Variants in BRINP3 observed in about 807,000 individuals in gnomAD.
The protein encoded by BRINP3 is BMP/retinoic acid inducible neural specific 3.
In BRINP3, 19 loss-of-function variants were observed where a neutral mutation model predicts 71.0. The ratio of observed to expected loss-of-function variants is 0.27; its 90% confidence interval spans 0.19 to 0.39. The LOEUF (loss-of-function observed/expected upper bound fraction) is 0.39, where lower values mean the gene tolerates loss of function less well. Ranked by LOEUF, BRINP3 falls within the 10% of genes least tolerant of loss-of-function variation. The pLI, the probability that BRINP3 is intolerant of heterozygous loss-of-function variation, is 1.00. For missense variants in BRINP3, 959 were observed against 940.8 expected (o/e 1.02, Z -0.25); for synonymous variants, 380 against 337.7 (o/e 1.13, Z -1.37).
chr1:190,443,365 T>C (rs1674966674), intron 2 of BRINP3, among the ~76,000 whole-genome samples: 1 of 147,110 alleles, frequency 6.8e-6, no homozygotes, highest in East Asian at 2.0e-4. Context: ...AGATCGTGCC[T>C]GGGCACTCTA....
intron 7 of BRINP3, among the ~76,000 whole-genome samples, chr1:190,158,484 C>A (rs1383877681): frequency 6.6e-6 from 1 of 151,882 alleles, no homozygotes; most frequent in South Asian, 2.1e-4. Flanking sequence ...AGTGAGGGGG[C>A]CAATTATTGA....
chr1:190,135,392 G>C (rs1418009867), intron 7 of BRINP3, among the ~76,000 whole-genome samples: 1 of 152,040 alleles, frequency 6.6e-6, no homozygotes, highest in African/African-American at 2.4e-5. Flanking sequence ...CTTTAGTATT[G>C]TGGAGATGAC....
intron 6 of BRINP3, among the ~76,000 whole-genome samples, chr1:190,189,787 CATG>C (rs1342045653): frequency 2.0e-5 from 3 of 152,046 alleles, no homozygotes; most frequent in African/African-American, 7.2e-5. Flanking sequence ...TTGTCCATTT[CATG>C]ATGTCATGTT....
chr1:190,185,476 C>T (rs1235239273), intron 6 of BRINP3, among the ~76,000 whole-genome samples: 3 of 152,082 alleles, frequency 2.0e-5, no homozygotes, highest in South Asian at 4.2e-4. Flanking sequence ...AAGTCACAAA[C>T]CCACATTTTA....
intron 2 of BRINP3, among the ~76,000 whole-genome samples, chr1:190,338,212 G>T (rs1440669086): frequency 6.6e-6 from 1 of 152,004 alleles, no homozygotes; most frequent in Non-Finnish European, 1.5e-5. Context: ...CTTTTCTTTT[G>T]CTGTAGTATC....
intron 5 of BRINP3, among the ~76,000 whole-genome samples, chr1:190,228,965 T>C (rs1194400651): frequency 6.6e-6 from 1 of 151,738 alleles, no homozygotes; most frequent in African/African-American, 2.4e-5. Flanking sequence ...AACCACAGAG[T>C]AAAATATGAA....
Position 190,197,286 on chromosome 1 carries a change from A to G in BRINP3, c.961+28796T>C, listed in dbSNP as rs1009928764. ...GAGATTTGGAAAGAGACAGAGCCAAACCATACCATTTCAGCACCTGGCCCC... is the reference window on the plus strand; with the variant it reads ...GAGATTTGGAAAGAGACAGAGCCAAGCCATACCATTTCAGCACCTGGCCCC... On this transcript the variant is annotated intron_variant, in intron 6 of 7. Transcript: ENST00000367462. Among the ~76,000 whole-genome samples the G allele has an allele frequency of 7.9e-5, 12 of 152,236 alleles. No homozygotes were observed. The East Asian group carries it at 1.9e-3, about 25-fold the overall frequency.
intron 2 of BRINP3, among the ~76,000 whole-genome samples, chr1:190,342,922 C>A (rs186863902): frequency 4.0e-4 from 61 of 151,830 alleles, no homozygotes; most frequent in Non-Finnish European, 7.5e-4. Flanking sequence ...GGGCCAAAGA[C>A]AGAAAACGGT....
At chr1:190,189,249 C>T (rs1454000416) in intron 6 of BRINP3, among the ~76,000 whole-genome samples, 1 of 152,048 alleles carries the variant, frequency 6.6e-6, no homozygotes, top group Non-Finnish European at 1.5e-5. Context: ...TTTGACAGTA[C>T]TTAACAGTGA....
intron 7 of BRINP3, among the ~76,000 whole-genome samples, chr1:190,103,570 G>T (rs548912589): frequency 6.6e-6 from 1 of 152,032 alleles, no homozygotes; most frequent in South Asian, 2.1e-4. Context: ...TATACACAGA[G>T]GTTGCAAGGT....
At chr1:190,403,520 T>C (rs1672070438) in intron 2 of BRINP3, among the ~76,000 whole-genome samples, 1 of 152,174 alleles carries the variant, frequency 6.6e-6, no homozygotes, top group African/African-American at 2.4e-5. Context: ...AAAATAAAGA[T>C]ATGGAAGCCA....
At chr1:190,178,564 T>C (rs550497341) in intron 6 of BRINP3, among the ~76,000 whole-genome samples, 1 of 152,254 alleles carries the variant, frequency 6.6e-6, no homozygotes, top group East Asian at 1.9e-4. Context: ...AAAATGTTGA[T>C]GCTAAAAACC....
chr1:190,422,741 T>A (rs1251065033), intron 2 of BRINP3, among the ~76,000 whole-genome samples: 2 of 151,828 alleles, frequency 1.3e-5, no homozygotes, highest in African/African-American at 4.8e-5. Context: ...GAATTTAAAG[T>A]CTAAACCTCA....
intron 3 of BRINP3, among the ~76,000 whole-genome samples, chr1:190,266,254 T>C (rs535742890): frequency 6.6e-6 from 1 of 152,216 alleles, no homozygotes; most frequent in Non-Finnish European, 1.5e-5. Flanking sequence ...TAGAATAGTT[T>C]GCATTTCCTC....
intron 7 of BRINP3, among the ~76,000 whole-genome samples, chr1:190,148,376 G>A (rs1656081679): frequency 1.3e-5 from 2 of 151,886 alleles, no homozygotes; most frequent in African/African-American, 2.4e-5. Context: ...GGCGGATCAA[G>A]AGGTCAGGAG....
intron 6 of BRINP3, among the ~76,000 whole-genome samples, chr1:190,187,391 C>T (rs1057312614): frequency 6.6e-6 from 1 of 151,918 alleles, no homozygotes; most frequent in Non-Finnish European, 1.5e-5. Context: ...TTTATGTAAT[C>T]CTATTAGTAT....
At position 190,388,469 on chromosome 1, in the gene BRINP3, A is replaced by G. The variant is rs997505435; in HGVS notation, c.236+66186T>C. Among the ~76,000 whole-genome samples, 22 of 151,808 alleles carry G rather than the reference A, an allele frequency of 1.4e-4. 1 individual carries two copies. The highest frequency in any genetic ancestry group is 4.3e-4 in the African/African-American group (18 of 41,400). On this transcript the variant is annotated intron_variant, in intron 2 of 7. Transcript: ENST00000367462. The stretch of plus-strand genomic sequence containing the variant: ...TAATTATAAAAATAGGAAAATTTGG[A>G]CACAGAGACACAGAGAGTGAATGCC...
intron 6 of BRINP3, among the ~76,000 whole-genome samples, chr1:190,193,865 C>A (rs2102584130): frequency 6.6e-6 from 1 of 152,128 alleles, no homozygotes; most frequent in African/African-American, 2.4e-5. Flanking sequence ...CTCCTATCTC[C>A]CAGGGTAAGA....
At chr1:190,327,365 G>GGAAAAAAAAA in intron 2 of BRINP3, among the ~76,000 whole-genome samples, 1 of 76,540 alleles carries the variant, frequency 1.3e-5, no homozygotes, top group Non-Finnish European at 2.8e-5. Context: ...AAAAAAAAAA[G>GGAAAAAAAAA]AAAGAAAGAA....
Sources: gnomAD v4.1 joint callset for allele counts (sites outside exome capture counted in the v4.1 genomes callset) on GRCh38, gnomAD v4.1.1 for gene constraint, MANE v1.5 for transcripts, NCBI Gene and HGNC (gene_info 2026-07-23, HGNC 2026-07-21) for gene names.